ARMC1: variants seen among roughly 807,000 people sequenced by gnomAD.
ARMC1 encodes armadillo repeat-containing protein 1.
A neutral mutation model predicts 31.4 loss-of-function variants in ARMC1; 16 were observed. The observed-to-expected ratio is 0.51, with a 90% CI of 0.34 to 0.77. The LOEUF is 0.77. Among genes scored for constraint, ARMC1 ranks in the 30% least tolerant of loss-of-function variants. The probability of loss-of-function intolerance (pLI) is 0.01; values close to 1 mark genes in which losing one functional copy is unlikely to be tolerated. For synonymous variants in ARMC1, 114 were observed against 118.9 expected (o/e 0.96, Z 0.27); for missense variants, 259 against 347.5 (o/e 0.75, Z 2.02).
At position 65,627,331 on chromosome 8, in the gene ARMC1, T is replaced by A; in HGVS notation, c.68A>T (p.Asp23Val). The change falls in exon 2 of 7, where the codon GAT becomes GTT. Residue 23 changes from aspartate to valine, a missense_variant. Physicochemically the swap from Asp to Val is radical, Grantham distance 152. Transcript: ENST00000276569. The part of the protein sequence containing the change: ...DALSVVNQLR[D>V]LAADPLNRRA... The stretch of plus-strand genomic sequence containing the variant: ...TCTGTTTAACGGATCTGCTGCTAGA[T>A]CCCGTAACTGGTTAACTACCGATAG... 1 of 1,613,482 alleles carries A rather than the reference T, an allele frequency of 6.2e-7. No individual in the cohort carries two copies. Among genetic ancestry groups the A allele is most frequent in the Admixed American group, 1.7e-5 (1 of 59,832 alleles).
chr8:65,616,296 C>T (rs1446865378), intron 3 of ARMC1, among the ~76,000 whole-genome samples: 2 of 152,202 alleles, frequency 1.3e-5, no homozygotes, highest in Non-Finnish European at 2.9e-5. Flanking sequence ...CCACGCCTGA[C>T]TGGTTTTCGT....
At chr8:65,630,926 G>T (rs1379940823) in intron 1 of ARMC1, among the ~76,000 whole-genome samples, 5 of 152,222 alleles carry the variant, frequency 3.3e-5, no homozygotes, top group Non-Finnish European at 7.3e-5. Context: ...AGCTAATGCA[G>T]TTGGTGCTCT....
At chr8:65,612,210 C>A (rs536151832) in intron 4 of ARMC1, among the ~76,000 whole-genome samples, 1 of 152,040 alleles carries the variant, frequency 6.6e-6, no homozygotes, top group African/African-American at 2.4e-5. Flanking sequence ...GCCTGTAATC[C>A]GAGCTCTTTG....
At chr8:65,613,477 G>C in intron 3 of ARMC1, 44 bp from the exon 4 acceptor site, 2 of 1,343,048 alleles carry the variant, frequency 1.5e-6, no homozygotes, top group South Asian at 3.2e-5. Flanking sequence ...CACTTCTACT[G>C]ATTCTGTAAT....
In ARMC1 at chr8:65,627,219, C is replaced by T. The variant is rs762823195; in HGVS notation, c.180G>A (p.Leu60=). The change falls in exon 2 of 7, where the codon TTG becomes TTA. Residue 60 remains leucine (L), a synonymous_variant. Coordinates refer to ENST00000276569, the MANE Select transcript of ARMC1 (RefSeq NM_018120.6). The part of the protein sequence containing the change: ...HPNPPVVHSA[L]LALRYLAECR... Reference sequence around the variant, plus strand: ...GAAATTACTAAAGGCAACTTACAAGCAAAGCGGAGTGGACGACTGGAGGGT... The same window carrying T: ...GAAATTACTAAAGGCAACTTACAAGTAAAGCGGAGTGGACGACTGGAGGGT... 3 of 1,547,876 alleles carry T rather than the reference C, an allele frequency of 1.9e-6. No homozygotes were observed. Among genetic ancestry groups the T allele is most frequent in the Non-Finnish European group, 2.6e-6 (3 of 1,144,382 alleles).
intron 3 of ARMC1, among the ~76,000 whole-genome samples, chr8:65,621,084 C>G (rs184615309): frequency 6.6e-6 from 1 of 152,028 alleles, no homozygotes; most frequent in Non-Finnish European, 1.5e-5. Context: ...AGCAACAGAG[C>G]GAGACCCTGT....
intron 4 of ARMC1, among the ~76,000 whole-genome samples, chr8:65,609,942 G>A (rs1363092107): frequency 1.3e-5 from 2 of 151,102 alleles, no homozygotes; most frequent in African/African-American, 4.9e-5. Context: ...AAAGAGGTAA[G>A]TGGTAATCTA....
chr8:65,605,544 A>T lies in ARMC1; in HGVS notation c.466-6T>A. 1 of 1,577,700 alleles carries T rather than the reference A, an allele frequency of 6.3e-7. No individual in the cohort carries two copies. The highest frequency in any genetic ancestry group is 8.7e-7 in the Non-Finnish European group (1 of 1,147,098). ...TCACATAGATTTCTCCGAGACTGAAAAAGTAAAAGCAAATTGTTATGAAAA... is the reference window on the plus strand; with the variant it reads ...TCACATAGATTTCTCCGAGACTGAATAAGTAAAAGCAAATTGTTATGAAAA... On this transcript the variant is annotated splice_polypyrimidine_tract_variant and splice_region_variant and intron_variant, in intron 4 of 6. Coordinates refer to ENST00000276569, the MANE Select transcript of ARMC1 (RefSeq NM_018120.6).
chr8:65,631,254 G>A (rs796710377), intron 1 of ARMC1, among the ~76,000 whole-genome samples: 7 of 152,082 alleles, frequency 4.6e-5, no homozygotes, highest in African/African-American at 1.4e-4. Flanking sequence ...TTTTGGGGGG[G>A]AACAGGGTCT....
At chr8:65,612,593 G>A (rs1344546018) in intron 4 of ARMC1, among the ~76,000 whole-genome samples, 1 of 152,150 alleles carries the variant, frequency 6.6e-6, no homozygotes, top group South Asian at 2.1e-4. Context: ...GCCGGGCATG[G>A]TGGCTCATCC....
In ARMC1 at chr8:65,604,576, G is replaced by A; in HGVS notation, c.667C>T (p.Pro223Ser). 6.2e-7 allele frequency: 1 copy of A among 1,612,096 alleles called. No homozygotes were observed. Among genetic ancestry groups the A allele is most frequent in the Non-Finnish European group, 8.5e-7 (1 of 1,179,138 alleles). Reference protein sequence around the residue: ...KSESGEEMLVPFQDTPVEVEQ... With the variant: ...KSESGEEMLVSFQDTPVEVEQ... The stretch of plus-strand genomic sequence containing the variant: ...ACTTCCACAGGAGTATCTTGGAATG[G>A]GACCAACATCTGATACAGAAAATAT... Residue 223 changes from proline to serine, a missense_variant, in exon 7 of 7, where the codon CCA becomes TCA. By Grantham distance (74) the Pro-to-Ser change is moderately conservative (BLOSUM62 -1). This residue lies in a region of ARMC1 where 73 missense variants were observed against 100.0 expected (regional missense o/e 0.73). Transcript: ENST00000276569.
At chr8:65,625,375 G>A (rs1585718870) in intron 2 of ARMC1, among the ~76,000 whole-genome samples, 1 of 152,142 alleles carries the variant, frequency 6.6e-6, no homozygotes, top group South Asian at 2.1e-4. Flanking sequence ...CAACAGGCCT[G>A]AATCATATCG....
chr8:65,624,480 C>CT (rs1220309994), intron 2 of ARMC1, among the ~76,000 whole-genome samples: 9 of 88,250 alleles, frequency 1.0e-4, no homozygotes, highest in Middle Eastern at 8.2e-3. Flanking sequence ...GCCTAGGTGA[C>CT]AGAGCAAGAC....
chr8:65,604,563 G>C lies in ARMC1; in HGVS notation c.680C>G (p.Thr227Ser). ...GEEMLVPFQD[T>S]PVEVEQNTEL... ...TGTGTTCTGTTCAACTTCCACAGGA[G>C]TATCTTGGAATGGGACCAACATCTG... Residue 227 changes from threonine to serine, a missense_variant, in exon 7 of 7, where the codon ACT becomes AGT. By Grantham distance (58) the Thr-to-Ser change is moderately conservative (BLOSUM62 1). Around this residue, in one of 3 missense-constraint regions of ARMC1, gnomAD observed 73 missense variants for 100.0 expected, o/e 0.73. Coordinates refer to ENST00000276569, the MANE Select transcript of ARMC1 (RefSeq NM_018120.6). 6.2e-7 allele frequency: 1 copy of C among 1,613,662 alleles called. No homozygotes were observed. The highest frequency in any genetic ancestry group is 8.5e-7 in the Non-Finnish European group (1 of 1,179,928).
chr8:65,606,277 C>T (rs1441090283), intron 4 of ARMC1, among the ~76,000 whole-genome samples: 2 of 151,178 alleles, frequency 1.3e-5, no homozygotes, highest in African/African-American at 4.9e-5. Flanking sequence ...AGGAGAGTCA[C>T]TTGAACCCGG....
chr8:65,618,461 G>C (rs560261237), intron 3 of ARMC1, among the ~76,000 whole-genome samples: 52 of 148,346 alleles, frequency 3.5e-4, no homozygotes, highest in African/African-American at 1.2e-3. Context: ...GGCAGAGCTT[G>C]CAGTGAGCCA....
intron 3 of ARMC1, among the ~76,000 whole-genome samples, chr8:65,614,713 C>G (rs1455843027): frequency 6.6e-6 from 1 of 152,160 alleles, no homozygotes; most frequent in Non-Finnish European, 1.5e-5. Context: ...CCTACAAAGA[C>G]CATGCATTTT....
intron 2 of ARMC1, among the ~76,000 whole-genome samples, chr8:65,625,759 T>A (rs1808498169): frequency 6.6e-6 from 1 of 152,192 alleles, no homozygotes; most frequent in Non-Finnish European, 1.5e-5. Flanking sequence ...ATAGAAATTT[T>A]TTTCCAAAAG....
At chr8:65,621,658 GCCA>G (rs1033894523) in intron 3 of ARMC1, among the ~76,000 whole-genome samples, 21 of 152,082 alleles carry the variant, frequency 1.4e-4, no homozygotes, top group African/African-American at 5.1e-4. Context: ...ACAGGCACGT[GCCA>G]CCACACCAGG....
Sources: gnomAD v4.1 joint callset for allele counts (sites outside exome capture counted in the v4.1 genomes callset) on GRCh38, gnomAD v4.1.1 for gene constraint, gnomAD v4.1.1 regional missense constraint, MANE v1.5 for transcripts, NCBI Gene and HGNC (gene_info 2026-07-23, HGNC 2026-07-21) for gene names.